ABL1: variants seen among roughly 807,000 people sequenced by gnomAD.
ABL1 encodes the protein ABL proto-oncogene 1, non-receptor tyrosine kinase, also known as tyrosine-protein kinase ABL1.
ABL1 carries 11 observed loss-of-function variants against 94.7 expected under a neutral mutation model. The ratio of observed to expected loss-of-function variants is 0.12; its 90% CI spans 0.07 to 0.19. The LOEUF is 0.19. ABL1 is among the 10% of genes least tolerant of loss of function. The probability of loss-of-function intolerance (pLI) is 1.00; values close to 1 mark genes in which losing one functional copy is unlikely to be tolerated. For synonymous variants in ABL1, 656 were observed against 622.4 expected (o/e 1.05, Z -0.80); for missense variants, 1,082 against 1,489.4 (o/e 0.73, Z 4.50).
chr9:130,818,593 G>A (rs1297391081), intron 1 of ABL1, among the ~76,000 whole-genome samples: 1 of 151,920 alleles, frequency 6.6e-6, no homozygotes, highest in African/African-American at 2.4e-5. Flanking sequence ...TTTTTTTCTA[G>A]AAGATTTATA....
chr9:130,797,576 T>C (rs1394740792), intron 1 of ABL1, among the ~76,000 whole-genome samples: 2 of 152,140 alleles, frequency 1.3e-5, no homozygotes, highest in Non-Finnish European at 2.9e-5. Context: ...GGTTTTGCCA[T>C]GTTGACCAGG....
chr9:130,802,973 A>G (rs188068108), intron 1 of ABL1, among the ~76,000 whole-genome samples: 11 of 152,226 alleles, frequency 7.2e-5, no homozygotes, highest in African/African-American at 2.6e-4. Flanking sequence ...CAGGGATGTG[A>G]TTGTACGGGG....
chr9:130,785,586 C>T (rs1190463487), intron 1 of ABL1, among the ~76,000 whole-genome samples: 1 of 152,052 alleles, frequency 6.6e-6, no homozygotes. Context: ...TGTTCATTTG[C>T]TACTTCTGTA....
At chr9:130,808,551 C>T (rs376404378) in intron 1 of ABL1, among the ~76,000 whole-genome samples, 1 of 152,060 alleles carries the variant, frequency 6.6e-6, no homozygotes, top group East Asian at 1.9e-4. Context: ...GCTTTTTTAT[C>T]CCAATTTCAA....
chr9:130,733,614 C>T (rs1022057480), intron 1 of ABL1, among the ~76,000 whole-genome samples: 4 of 135,026 alleles, frequency 3.0e-5, no homozygotes, highest in Non-Finnish European at 6.1e-5. Context: ...GAGTCTCACT[C>T]GTTGCCCAGG....
chr9:130,728,257 G>A (rs898569054), intron 1 of ABL1, among the ~76,000 whole-genome samples: 3 of 79,130 alleles, frequency 3.8e-5, no homozygotes, highest in Middle Eastern at 6.4e-3. Flanking sequence ...TTGTGGAGAC[G>A]GGGTTTCATC....
At chr9:130,773,920 T>C (rs1347059354) in intron 1 of ABL1, among the ~76,000 whole-genome samples, 1 of 152,140 alleles carries the variant, frequency 6.6e-6, no homozygotes, top group African/African-American at 2.4e-5. Flanking sequence ...TCCTCAGAAG[T>C]TTCCTTATGA....
At chr9:130,822,439 CTTTTTTTTTT>C (rs35922505) in intron 1 of ABL1, among the ~76,000 whole-genome samples, 1 of 104,408 alleles carries the variant, frequency 9.6e-6, no homozygotes, top group South Asian at 3.1e-4. Flanking sequence ...CCCGCCCCTG[CTTTTTTTTTT>C]TTTTTTTTTT....
intron 1 of ABL1, among the ~76,000 whole-genome samples, chr9:130,799,477 C>G (rs1229984196): frequency 5.9e-5 from 9 of 152,162 alleles, no homozygotes; most frequent in Non-Finnish European, 1.2e-4. Flanking sequence ...ATACCCTAGT[C>G]TAGGTGCTAA....
intron 1 of ABL1, among the ~76,000 whole-genome samples, chr9:130,731,087 A>G (rs1831660000): frequency 1.6e-5 from 2 of 125,372 alleles, no homozygotes; most frequent in South Asian, 5.2e-4. Context: ...GCTCACTGCA[A>G]CCTCCGCCTC....
intron 4 of ABL1, among the ~76,000 whole-genome samples, chr9:130,870,085 T>C (rs1478587315): frequency 6.6e-6 from 1 of 152,248 alleles, no homozygotes; most frequent in Non-Finnish European, 1.5e-5. Flanking sequence ...AGTGTTGGGA[T>C]TACAGGCATG....
In ABL1 at chr9:130,787,424, G is replaced by A. The variant is rs571602375; in HGVS notation, c.137-66640G>A. ...CCCACGTTTCCCCCCAACCCCACCC[G>A]AAGCTGACTTTTGCATTGTATCAGT... On this transcript the variant is annotated intron_variant, in intron 1 of 10. Transcript: ENST00000372348. 5.9e-5 allele frequency among the ~76,000 whole-genome samples: 9 copies of A among 152,138 alleles called. No individual in the cohort carries two copies. The South Asian group carries it at 1.7e-3, about 28-fold the overall frequency.
At chr9:130,815,209 C>CT (rs767671489) in intron 1 of ABL1, among the ~76,000 whole-genome samples, 4 of 152,070 alleles carry the variant, frequency 2.6e-5, no homozygotes, top group Admixed American at 2.0e-4. Context: ...TAGCACACGC[C>CT]TGTAATCCCA....
chr9:130,802,021 G>A (rs1054188758), intron 1 of ABL1, among the ~76,000 whole-genome samples: 1 of 150,280 alleles, frequency 6.7e-6, no homozygotes, highest in Admixed American at 6.6e-5. Context: ...TCTCCTTTTG[G>A]TATTGTAGTT....
chr9:130,800,020 C>A (rs1830034243), intron 1 of ABL1, among the ~76,000 whole-genome samples: 1 of 151,962 alleles, frequency 6.6e-6, no homozygotes, highest in Non-Finnish European at 1.5e-5. Context: ...CTACAGGCAC[C>A]TGTCACCAGG....
rs753991885 is a variant in ABL1 at position 130,884,511 on chromosome 9, C to G, written c.2221C>G (p.Gln741Glu). The G allele has an allele frequency of 1.7e-5, 27 of 1,613,080 alleles. No homozygotes were observed. Among genetic ancestry groups the G allele is most frequent in the Non-Finnish European group, 2.5e-6 (3 of 1,180,044 alleles). ...WRSVTLPRDL[Q>E]STGRQFDSST... ...GTCAGTCACGCTGCCTCGGGACTTG[C>G]AGTCCACGGGAAGACAGTTTGACTC... is the stretch of plus-strand genomic sequence containing the variant. Residue 741 changes from glutamine (Q) to glutamate (E), a missense_variant, in exon 11 of 11, where the codon CAG (glutamine) becomes GAG (glutamate). Physicochemically the swap from Gln to Glu is conservative, Grantham distance 29. Transcript: ENST00000318560. This position sits in a 1 kb window ranked among gnomAD's most constrained non-coding sequence, Gnocchi z 5.6.
At chr9:130,758,537 A>G (rs1015150863) in intron 1 of ABL1, among the ~76,000 whole-genome samples, 3 of 152,126 alleles carry the variant, frequency 2.0e-5, no homozygotes, top group Middle Eastern at 3.4e-3. Context: ...GGTTCAAGCA[A>G]TTCTCCTGCC....
intron 3 of ABL1, among the ~76,000 whole-genome samples, chr9:130,856,262 A>G (rs542710050): frequency 8.1e-4 from 123 of 152,040 alleles, no homozygotes; most frequent in Middle Eastern, 6.8e-3. Context: ...CTAATTTTGT[A>G]TTTTTAGTAG....
At chr9:130,727,392 T>A (rs974640228) in intron 1 of ABL1, among the ~76,000 whole-genome samples, 1 of 151,992 alleles carries the variant, frequency 6.6e-6, no homozygotes, top group Non-Finnish European at 1.5e-5. Context: ...ACTGAGAGAG[T>A]GATGCTGAAG....
Sources: allele counts gnomAD v4.1 joint callset (sites outside exome capture counted in the v4.1 genomes callset), GRCh38; gene constraint gnomAD v4.1.1; non-coding constraint Gnocchi (gnomAD v3.1); transcripts MANE v1.5; gene names NCBI Gene and HGNC (gene_info 2026-07-23, HGNC 2026-07-21).